The following FARS2 variants were observed in gnomAD, a reference collection of about 807,000 sequenced individuals.
FARS2 encodes the protein phenylalanyl-tRNA synthetase 2, mitochondrial.
In FARS2, 40 loss-of-function variants were observed where a neutral mutation model predicts 46.4. The observed-to-expected ratio is 0.86, with a 90% CI of 0.67 to 1.12. FARS2 has a LOEUF of 1.12. FARS2 is among the 50% of genes most tolerant of loss of function. FARS2 has a pLI of 0.00. For missense variants in FARS2, 513 were observed against 567.9 expected (o/e 0.90, Z 0.98); for synonymous variants, 234 against 214.9 (o/e 1.09, Z -0.78).
chr6:5,464,412 T>C (rs1468345949), intron 4 of FARS2, among the ~76,000 whole-genome samples: 1 of 152,214 alleles, frequency 6.6e-6, no homozygotes, highest in Non-Finnish European at 1.5e-5. Flanking sequence ...ATTGGGAATC[T>C]TGGGCTGTCT....
chr6:5,529,718 G>A (rs1264883352), intron 4 of FARS2, among the ~76,000 whole-genome samples: 1 of 152,222 alleles, frequency 6.6e-6, no homozygotes, highest in East Asian at 1.9e-4. Flanking sequence ...TTTAATGGCT[G>A]AGTAGACAGT....
At chr6:5,699,839 C>T (rs755258325) in intron 6 of FARS2, among the ~76,000 whole-genome samples, 11 of 152,068 alleles carry the variant, frequency 7.2e-5, no homozygotes, top group Non-Finnish European at 1.5e-4. Context: ...TCCCAGTTTC[C>T]AGGTCTGGAC....
intron 2 of FARS2, among the ~76,000 whole-genome samples, chr6:5,397,981 G>A (rs1761008150): frequency 6.6e-6 from 1 of 151,988 alleles, no homozygotes; most frequent in South Asian, 2.1e-4. Flanking sequence ...CTACATTTTT[G>A]ACAAAAATGC....
intron 4 of FARS2, among the ~76,000 whole-genome samples, chr6:5,488,964 T>C (rs1038304815): frequency 2.6e-5 from 4 of 152,226 alleles, no homozygotes; most frequent in Admixed American, 2.0e-4. Context: ...ACTGGGTCTA[T>C]AGCAGTGAAT....
At chr6:5,522,157 G>A (rs925648705) in intron 4 of FARS2, among the ~76,000 whole-genome samples, 1 of 152,180 alleles carries the variant, frequency 6.6e-6, no homozygotes, top group Non-Finnish European at 1.5e-5. Flanking sequence ...AGACCAGTGT[G>A]GAGTCCACCA....
rs1036424702 is a variant in FARS2 at position 5,613,289 on chromosome 6, G to A, written c.1186G>A (p.Val396Ile). Residue 396 changes from valine to isoleucine, a missense_variant, in exon 6 of 7, where the codon GTT (valine) becomes ATT (isoleucine). By Grantham distance (29) the Val-to-Ile change is conservative. Coordinates refer to ENST00000274680, the MANE Select transcript of FARS2 (RefSeq NM_006567.5). Reference protein sequence around the residue: ...RTIGGDLVEKVDLIDKFVHPK... With the variant: ...RTIGGDLVEKIDLIDKFVHPK... ...AATTGGAGGAGACCTGGTGGAAAAG[G>A]TTGATCTCATAGACAAGTTTGTACA... is the stretch of plus-strand genomic sequence containing the variant. 7.4e-6 allele frequency: 12 copies of A among 1,613,422 alleles called. No individual in the cohort carries two copies. The highest frequency in any genetic ancestry group is 1.7e-5 in the Admixed American group (1 of 59,922).
rs1776235471 is a variant in FARS2, at chr6:5,630,207, T to G, written c.1217+16887T>G. 6.6e-6 allele frequency among the ~76,000 whole-genome samples: 1 copy of G among 151,696 alleles called. No individual in the cohort carries two copies. The highest frequency in any genetic ancestry group is 2.4e-5 in the African/African-American group (1 of 41,260). On this transcript the variant is annotated intron_variant, in intron 6 of 6. Transcript: ENST00000274680. This position sits in a 1 kb window ranked among gnomAD's most constrained non-coding sequence, Gnocchi z 4.2. ...TTTAAAGGATGGTGGAGACAGTGAG[T>G]GAGGAACTAAGAAGGGAGACCCAAG...
chr6:5,763,114 G>A (rs939393346), intron 6 of FARS2, among the ~76,000 whole-genome samples: 2 of 152,216 alleles, frequency 1.3e-5, no homozygotes, highest in African/African-American at 2.4e-5. Flanking sequence ...GCCCTGCCAC[G>A]CTGCACTTTG....
At chr6:5,303,108 C>T (rs546576164) in intron 1 of FARS2, among the ~76,000 whole-genome samples, 1 of 152,278 alleles carries the variant, frequency 6.6e-6, no homozygotes, top group Admixed American at 6.5e-5. Flanking sequence ...CAAGATCATA[C>T]AGGGAGAAGA....
At chr6:5,358,158 A>G (rs1370766741) in intron 1 of FARS2, among the ~76,000 whole-genome samples, 1 of 152,210 alleles carries the variant, frequency 6.6e-6, no homozygotes, top group Non-Finnish European at 1.5e-5. Context: ...TGCTTAAAAT[A>G]GTTTTTAATA....
chr6:5,425,579 A>G (rs1762801827), intron 3 of FARS2, among the ~76,000 whole-genome samples: 1 of 152,088 alleles, frequency 6.6e-6, no homozygotes, highest in Admixed American at 6.6e-5. Flanking sequence ...AGAAGTCGGG[A>G]GGCTGGTACA....
chr6:5,521,715 C>T (rs1156998262), intron 4 of FARS2, among the ~76,000 whole-genome samples: 1 of 152,178 alleles, frequency 6.6e-6, no homozygotes, highest in African/African-American at 2.4e-5. Flanking sequence ...TTGCAGAACT[C>T]ATGGTGATAC....
At chr6:5,350,790 G>T (rs1267485226) in intron 1 of FARS2, among the ~76,000 whole-genome samples, 1 of 152,186 alleles carries the variant, frequency 6.6e-6, no homozygotes, top group African/African-American at 2.4e-5. Context: ...TGGGTAAAGA[G>T]TCCATGGAAT....
chr6:5,530,812 C>G (rs1769779511), intron 4 of FARS2, among the ~76,000 whole-genome samples: 1 of 144,812 alleles, frequency 6.9e-6, no homozygotes, highest in East Asian at 2.0e-4. Context: ...ACAAATATAT[C>G]AATATATAAA....
chr6:5,275,298 T>C (rs72813700), intron 1 of FARS2, among the ~76,000 whole-genome samples: 18,247 of 152,254 alleles, frequency 0.12, 1,383 homozygotes, highest in Non-Finnish European at 0.16. Flanking sequence ...TCAGCTTAAA[T>C]GTTACTTCTT....
intron 6 of FARS2, among the ~76,000 whole-genome samples, chr6:5,622,462 A>G (rs1192885304): frequency 1.3e-5 from 2 of 152,216 alleles, no homozygotes; most frequent in African/African-American, 4.8e-5. Flanking sequence ...ATTCATGTCA[A>G]ACAGGAATCT....
intron 6 of FARS2, among the ~76,000 whole-genome samples, chr6:5,622,620 G>GT (rs1775832190): frequency 1.3e-5 from 2 of 152,338 alleles, no homozygotes; most frequent in African/African-American, 4.8e-5. Context: ...GGAGGACACA[G>GT]TGTTCGTCCC....
intron 5 of FARS2, among the ~76,000 whole-genome samples, chr6:5,573,403 C>T: frequency 6.6e-6 from 1 of 152,220 alleles, no homozygotes. Context: ...TTGACACACA[C>T]ACACACACGC....
intron 5 of FARS2, among the ~76,000 whole-genome samples, chr6:5,572,153 A>G (rs923490259): frequency 4.6e-5 from 7 of 152,290 alleles, no homozygotes; most frequent in African/African-American, 1.7e-4. Context: ...AAAGAGGTTT[A>G]ATTGGCCCAC....
Sources: allele counts gnomAD v4.1 joint callset (sites outside exome capture counted in the v4.1 genomes callset), GRCh38; gene constraint gnomAD v4.1.1; non-coding constraint Gnocchi (gnomAD v3.1); transcripts MANE v1.5; gene names NCBI Gene and HGNC (gene_info 2026-07-23, HGNC 2026-07-21).